GRAMD4: variants seen among roughly 807,000 people sequenced by gnomAD.
GRAMD4 encodes GRAM domain-containing protein 4.
GRAMD4 carries 25 observed loss-of-function variants against 83.9 expected under a neutral mutation model. The ratio of observed to expected loss-of-function variants is 0.30; its 90% CI spans 0.22 to 0.42. GRAMD4 has a LOEUF of 0.42. Ranked by LOEUF, GRAMD4 falls within the 10% of genes least tolerant of loss-of-function variation. The probability of loss-of-function intolerance (pLI) is 1.00; values close to 1 mark genes in which losing one functional copy is unlikely to be tolerated. For missense variants in GRAMD4, 593 were observed against 788.7 expected, an observed-to-expected ratio of 0.75 and a Z score of 2.97; for synonymous variants, 336 against 320.9, an observed-to-expected ratio of 1.05 and a Z score of -0.50.
chr22:46,619,248 C>T (rs538713446), upstream of GRAMD4, among the ~76,000 whole-genome samples: 1 of 152,300 alleles, frequency 6.6e-6, no homozygotes, highest in South Asian at 2.1e-4. Context: ...GCCCAGGGAG[C>T]TGTGTGTGTG....
At chr22:46,627,564 T>C (rs138479) in intron 2 of GRAMD4, among the ~76,000 whole-genome samples, 143,385 of 152,268 alleles carry the variant, frequency 0.94, 67,595 homozygotes, top group East Asian at 1. Context: ...TGGTGGGGGG[T>C]GGGGCAGGGC....
chr22:46,645,947 A>G (rs530101415), intron 3 of GRAMD4, among the ~76,000 whole-genome samples: 1 of 152,286 alleles, frequency 6.6e-6, no homozygotes, highest in Admixed American at 6.5e-5. Flanking sequence ...TAAGGTGCAC[A>G]CACAGCCTCT....
chr22:46,630,215 G>A (rs1424764493), intron 2 of GRAMD4, among the ~76,000 whole-genome samples: 1 of 151,962 alleles, frequency 6.6e-6, no homozygotes, highest in African/African-American at 2.4e-5. Context: ...TATTAGAGAC[G>A]GGGTTTCGCC....
At chr22:46,646,194 G>A (rs539827783) in intron 3 of GRAMD4, among the ~76,000 whole-genome samples, 10 of 152,318 alleles carry the variant, frequency 6.6e-5, no homozygotes, top group African/African-American at 2.2e-4. Flanking sequence ...GGGTACCCTC[G>A]TAGCGCCAGA....
intron 1 of GRAMD4, among the ~76,000 whole-genome samples, chr22:46,578,318 G>A (rs1236685635): frequency 6.6e-6 from 1 of 152,108 alleles, no homozygotes; most frequent in Non-Finnish European, 1.5e-5. Flanking sequence ...TCAGGGTCAG[G>A]GCTCTGTTGC....
rs1320864993 is a variant in GRAMD4 at position 46,672,545 on chromosome 22, A to C, written c.1085-298A>C. ...CTGAGCCAGGCGGAGTTGGAGAGAG[A>C]AGTGAGGGGCATTGGATGGGGGGGT... On this transcript the variant is annotated intron_variant, in intron 13 of 18. Transcript: ENST00000406902. The surrounding 1 kb of genome is among the most constrained non-coding windows in gnomAD (Gnocchi z 4.7). 6.6e-6 allele frequency among the ~76,000 whole-genome samples: 1 copy of C among 150,394 alleles called. No individual in the cohort carries two copies. The highest frequency in any genetic ancestry group is 1.5e-5 in the Non-Finnish European group (1 of 67,642).
chr22:46,584,200 TAGAGTCAGCCCCTTCTGCA>T (rs2081125182), intron 1 of GRAMD4, among the ~76,000 whole-genome samples: 1 of 152,104 alleles, frequency 6.6e-6, no homozygotes, highest in Non-Finnish European at 1.5e-5. Flanking sequence ...TGCCCAGGCC[TAGAGTCAGCCCCTTCTGCA>T]GGGAGCCCGG....
chr22:46,624,943 C>A (rs1002024799), intron 1 of GRAMD4, among the ~76,000 whole-genome samples: 2 of 150,954 alleles, frequency 1.3e-5, no homozygotes, highest in East Asian at 2.0e-4. Context: ...TCACTTCAAG[C>A]TCCGCCTCCT....
At chr22:46,676,051 C>CA (rs2082592569) in intron 17 of GRAMD4, among the ~76,000 whole-genome samples, 1 of 152,228 alleles carries the variant, frequency 6.6e-6, no homozygotes, top group African/African-American at 2.4e-5. Flanking sequence ...CACTGGCAGG[C>CA]ACACTTGGCC....
At position 46,582,675 on chromosome 22, in the gene GRAMD4, T is replaced by G. The variant is rs187498913; in HGVS notation, c.-50+5385T>G. Among the ~76,000 whole-genome samples the G allele has an allele frequency of 2.0e-5, 3 of 152,226 alleles. No individual in the cohort carries two copies. The East Asian group carries it at 5.8e-4, about 29-fold the overall frequency. On this transcript the variant is annotated intron_variant, in intron 1 of 1. Transcript: ENST00000431155. The stretch of plus-strand genomic sequence containing the variant: ...GGCCAGGAGCCAGGCTGGGAGTGAA[T>G]TTGTTTGTTCCTCACTCTTGGTGTT...
At chr22:46,614,731 G>A (rs1350030277) in intron 1 of GRAMD4, among the ~76,000 whole-genome samples, 1 of 152,082 alleles carries the variant, frequency 6.6e-6, no homozygotes, top group Non-Finnish European at 1.5e-5. Context: ...GCCGCAGGTA[G>A]TAAACATAGG....
At chr22:46,607,081 G>A (rs1461351106) in intron 1 of GRAMD4, among the ~76,000 whole-genome samples, 1 of 152,190 alleles carries the variant, frequency 6.6e-6, no homozygotes, top group African/African-American at 2.4e-5. Context: ...CGACAGCCCA[G>A]TGCCCCTGGT....
At position 46,654,736 on chromosome 22, in the gene GRAMD4, C is replaced by G. The variant is rs139759661; in HGVS notation, c.284-3451C>G. On this transcript the variant is annotated intron_variant, in intron 3 of 18. Coordinates refer to ENST00000406902, the MANE Select transcript of GRAMD4 (RefSeq NM_015124.5). The stretch of plus-strand genomic sequence containing the variant: ...TGGCCAAGCTCCCCTCCCAACCACT[C>G]TCCCTTCCCCACATCTTGCTGGTTT... Among the ~76,000 whole-genome samples the G allele has an allele frequency of 2.4e-4, 36 of 152,352 alleles. No homozygotes were observed. In the East Asian group the frequency reaches 3.1e-3, roughly 13 times the overall value.
intron 7 of GRAMD4, 40 bp downstream of exon 7, chr22:46,663,903 G>T: frequency 1.2e-6 from 2 of 1,606,966 alleles, no homozygotes; most frequent in Non-Finnish European, 8.5e-7. Context: ...ACGATGCTCA[G>T]TGTGGGTGGG....
intron 2 of GRAMD4, among the ~76,000 whole-genome samples, chr22:46,633,257 C>G (rs2081803992): frequency 6.6e-6 from 1 of 152,240 alleles, no homozygotes; most frequent in Non-Finnish European, 1.5e-5. Flanking sequence ...TCCCCTGACC[C>G]CAGTGCCAGC....
At chr22:46,582,234 C>T (rs1391307448) in intron 1 of GRAMD4, among the ~76,000 whole-genome samples, 1 of 152,166 alleles carries the variant, frequency 6.6e-6, no homozygotes, top group African/African-American at 2.4e-5. Context: ...TGAATTGTTA[C>T]TTGTCCCTGG....
chr22:46,587,179 G>A (rs868259599), intron 1 of GRAMD4, among the ~76,000 whole-genome samples: 28 of 152,344 alleles, frequency 1.8e-4, no homozygotes, highest in Admixed American at 1.3e-3. Flanking sequence ...CCCTGTGAGA[G>A]TGGAGGCCCC....
intron 3 of GRAMD4, among the ~76,000 whole-genome samples, chr22:46,657,313 T>C (rs927625989): frequency 2.0e-5 from 3 of 152,202 alleles, no homozygotes; most frequent in African/African-American, 7.2e-5. Flanking sequence ...TGCCAGGCCC[T>C]GGGAGGGCAG....
At chr22:46,593,089 T>C (rs781389681) in intron 1 of GRAMD4, among the ~76,000 whole-genome samples, 9 of 152,172 alleles carry the variant, frequency 5.9e-5, no homozygotes, top group Non-Finnish European at 1.2e-4. Context: ...TCTCAAATAC[T>C]TGAGAGTAAC....
Sources: allele counts gnomAD v4.1 joint callset (sites outside exome capture counted in the v4.1 genomes callset), GRCh38; gene constraint gnomAD v4.1.1; non-coding constraint Gnocchi (gnomAD v3.1); transcripts MANE v1.5; gene names NCBI Gene and HGNC (gene_info 2026-07-23, HGNC 2026-07-21).